Variants in QTMAN observed in about 807,000 individuals in gnomAD.
QTMAN encodes queuosine-tRNA mannosyltransferase, also known as tRNA-queuosine alpha-mannosyltransferase.
the QTMAN span, among the ~76,000 whole-genome samples, chr2:144,129,376 T>C: frequency 6.6e-6 from 1 of 151,942 alleles, no homozygotes; most frequent in Non-Finnish European, 1.5e-5. Context: ...ATGAGGACTA[T>C]ATTTCCATGG....
chr2:144,241,406 T>A, the QTMAN span, among the ~76,000 whole-genome samples: 2 of 152,202 alleles, frequency 1.3e-5, no homozygotes, highest in Non-Finnish European at 2.9e-5. Flanking sequence ...TAGCTACCAT[T>A]TCTTTAACGT....
the QTMAN span, among the ~76,000 whole-genome samples, chr2:144,263,365 T>C: frequency 6.6e-6 from 1 of 152,152 alleles, no homozygotes; most frequent in Non-Finnish European, 1.5e-5. Context: ...TTCAGGTGAA[T>C]AGAGAAACAG....
chr2:144,011,825 G>A, the QTMAN span: 8 of 725,476 alleles, frequency 1.1e-5, no homozygotes, highest in Non-Finnish European at 1.3e-5. Flanking sequence ...CTAATGAGAA[G>A]AGAAAAGGTC....
the QTMAN span, among the ~76,000 whole-genome samples, chr2:144,318,194 AACACACACACACACACACAC>A: frequency 7.0e-5 from 10 of 141,934 alleles, 1 homozygote; most frequent in Admixed American, 6.4e-4. Context: ...TATTTAAATA[AACACACACACACACACACAC>A]ACACACACAC....
chr2:144,160,079 A>G, the QTMAN span, among the ~76,000 whole-genome samples: 3 of 152,170 alleles, frequency 2.0e-5, no homozygotes, highest in African/African-American at 4.8e-5. Context: ...AGTTGCAAAG[A>G]AAGTCTGAAG....
the QTMAN span, among the ~76,000 whole-genome samples, chr2:144,319,372 T>G: frequency 6.6e-6 from 1 of 152,154 alleles, no homozygotes; most frequent in Admixed American, 6.5e-5. Context: ...CTTTACTGTA[T>G]TTCCCTTACA....
the QTMAN span, among the ~76,000 whole-genome samples, chr2:144,054,670 T>C: frequency 6.6e-6 from 1 of 152,138 alleles, no homozygotes; most frequent in Admixed American, 6.5e-5. Flanking sequence ...GGGGCTGACA[T>C]AGCCTTTGAA....
chr2:144,143,319 CT>C, the QTMAN span, among the ~76,000 whole-genome samples: 2 of 151,844 alleles, frequency 1.3e-5, no homozygotes, highest in African/African-American at 4.8e-5. Flanking sequence ...TAGATCAATA[CT>C]ACTGGAAAGA....
At chr2:144,220,398 A>G in the QTMAN span, among the ~76,000 whole-genome samples, 3 of 152,246 alleles carry the variant, frequency 2.0e-5, no homozygotes, top group African/African-American at 4.8e-5. Context: ...GGGCTTTCCC[A>G]TATCAACAGC....
chr2:144,067,203 A>C, the QTMAN span, among the ~76,000 whole-genome samples: 1 of 152,368 alleles, frequency 6.6e-6, no homozygotes, highest in Admixed American at 6.5e-5. Flanking sequence ...TGGCATGCTT[A>C]GGAAATGGAA....
the QTMAN span, among the ~76,000 whole-genome samples, chr2:143,947,642 T>C: frequency 1.1e-4 from 17 of 152,312 alleles, no homozygotes; most frequent in East Asian, 7.7e-4. Flanking sequence ...CAGGGGTACA[T>C]TGATATTTAA....
chr2:144,147,705 A>C, the QTMAN span, among the ~76,000 whole-genome samples: 1 of 151,850 alleles, frequency 6.6e-6, no homozygotes, highest in African/African-American at 2.4e-5. Flanking sequence ...AGTAGCCTTC[A>C]TATGAGTTAT....
At chr2:144,076,506 C>T in the QTMAN span, among the ~76,000 whole-genome samples, 7 of 152,148 alleles carry the variant, frequency 4.6e-5, no homozygotes, top group African/African-American at 1.7e-4. Flanking sequence ...TGCCACAGGA[C>T]AGACAGAAAA....
the QTMAN span, among the ~76,000 whole-genome samples, chr2:144,133,465 T>A: frequency 4.3e-5 from 3 of 70,384 alleles, no homozygotes; most frequent in African/African-American, 1.8e-4. Context: ...TAATATATAT[T>A]ATATATTATA....
the QTMAN span, among the ~76,000 whole-genome samples, chr2:143,988,067 C>A: frequency 1.3e-5 from 2 of 152,164 alleles, no homozygotes; most frequent in Non-Finnish European, 1.5e-5. Flanking sequence ...AGCAGCTTTG[C>A]AGGCACTCCT....
the QTMAN span, among the ~76,000 whole-genome samples, chr2:144,088,043 T>C: frequency 1.2e-4 from 18 of 152,168 alleles, no homozygotes; most frequent in Middle Eastern, 3.4e-3. Flanking sequence ...TATGATCTTA[T>C]GTGTAGAAAA....
At chr2:144,321,983 C>T in the QTMAN span, among the ~76,000 whole-genome samples, 2 of 152,272 alleles carry the variant, frequency 1.3e-5, no homozygotes, top group South Asian at 2.1e-4. Flanking sequence ...CAAGAATGAC[C>T]ATTAACTGTA....
At chr2:143,999,736 G>C in the QTMAN span, among the ~76,000 whole-genome samples, 1 of 152,086 alleles carries the variant, frequency 6.6e-6, no homozygotes, top group Non-Finnish European at 1.5e-5. Flanking sequence ...AGGATGCAAA[G>C]GCAGATGTGG....
the QTMAN span, among the ~76,000 whole-genome samples, chr2:144,115,258 AC>A: frequency 3.3e-5 from 5 of 152,004 alleles, no homozygotes; most frequent in Non-Finnish European, 7.4e-5. Context: ...AACAACAACA[AC>A]AACAAAAACT....
Sources: gnomAD v4.1 joint callset for allele counts (sites outside exome capture counted in the v4.1 genomes callset) on GRCh38, gnomAD v4.1.1 for gene constraint, MANE v1.5 for transcripts, NCBI Gene and HGNC (gene_info 2026-07-23, HGNC 2026-07-21) for gene names.